The following CPSF2 variants were observed in gnomAD, a reference collection of about 807,000 sequenced individuals.
CPSF2 encodes cleavage and polyadenylation specificity factor subunit 2.
Under a neutral mutation model 84.2 loss-of-function variants are expected in CPSF2, and 51 were observed. The ratio of observed to expected loss-of-function variants is 0.61; its 90% CI spans 0.48 to 0.77. The LOEUF (loss-of-function observed/expected upper bound fraction) is 0.77. Among genes scored for constraint, CPSF2 ranks in the 30% least tolerant of loss-of-function variants. The pLI, the probability that CPSF2 is intolerant of heterozygous loss-of-function variation, is 0.00. For missense variants in CPSF2, 641 were observed against 929.4 expected, an observed-to-expected ratio of 0.69 and a Z score of 4.03; for synonymous variants, 286 against 311.9, an observed-to-expected ratio of 0.92 and a Z score of 0.87.
chr14:92,131,734 G>T (rs1477732010), intron 3 of CPSF2, among the ~76,000 whole-genome samples: 2 of 151,956 alleles, frequency 1.3e-5, no homozygotes, highest in African/African-American at 4.8e-5. Flanking sequence ...AGCTACTTGG[G>T]AGGCTGAGGC....
intron 3 of CPSF2, among the ~76,000 whole-genome samples, chr14:92,131,714 C>T (rs2068933515): frequency 6.6e-6 from 1 of 151,862 alleles, no homozygotes; most frequent in African/African-American, 2.4e-5. Flanking sequence ...TGGTGTGCAC[C>T]TATAATCCCA....
At chr14:92,130,817 G>A in intron 2 of CPSF2, 134 bp from the exon 3 acceptor site, 1 of 539,674 alleles carries the variant, frequency 1.9e-6, no homozygotes, top group Non-Finnish European at 3.1e-6. Flanking sequence ...TGATGGAAAT[G>A]GGCCTTTAAA....
At position 92,138,367 on chromosome 14, in the gene CPSF2, CT is replaced by C; in HGVS notation, c.661+22del. On this transcript the variant is annotated intron_variant, in intron 7 of 15. Coordinates refer to ENST00000298875, the MANE Select transcript of CPSF2 (RefSeq NM_017437.3). The stretch of plus-strand genomic sequence containing the variant: ...TTCTGAGTACGTATTCTTTCACGTC[CT>C]TATTATTATTATTATTTTGTAACTT... 1 of 1,158,776 alleles carries C rather than the reference CT, an allele frequency of 8.6e-7. No individual in the cohort carries two copies. The highest frequency in any genetic ancestry group is 1.6e-5 in the South Asian group (1 of 63,764). 71.8% of individuals were successfully genotyped at this position (1,158,776 alleles called of 1,614,324 possible).
At chr14:92,149,830 TA>T (rs1418109089) in intron 9 of CPSF2, among the ~76,000 whole-genome samples, 1 of 151,704 alleles carries the variant, frequency 6.6e-6, no homozygotes, top group Non-Finnish European at 1.5e-5. Context: ...TGATTTTTTG[TA>T]GTTTTAGTAG....
At position 92,159,140 on chromosome 14, in the gene CPSF2, CAG is replaced by C. The variant is rs745648990; in HGVS notation, c.1983_1984del (p.Glu661AspfsTer10). The C allele has an allele frequency of 1.2e-6, 2 of 1,613,850 alleles. No individual in the cohort carries two copies. The highest frequency in any genetic ancestry group is 1.1e-5 in the South Asian group (1 of 91,080). On this transcript the variant is annotated frameshift_variant, in exon 14 of 16. Coordinates refer to ENST00000298875, the MANE Select transcript of CPSF2 (RefSeq NM_017437.3). LOFTEE classifies it high-confidence loss of function. ...GAACTAAAGGATGATGGAGAAGACT[CAG>C]AGATGCAAGTGGAAGCTCCCTCAGA...
In CPSF2 at chr14:92,161,776, C is replaced by T. The variant is rs771832216; in HGVS notation, c.*32C>T. 11 of 1,240,196 alleles carry T rather than the reference C, an allele frequency of 8.9e-6. No individual in the cohort carries two copies. The highest frequency in any genetic ancestry group is 1.1e-5 in the Non-Finnish European group (10 of 886,980). 76.8% of individuals were successfully genotyped at this position (1,240,196 alleles called of 1,614,324 possible). Reference sequence around the variant, plus strand: ...TGATGTCAAGAAGTATCTGCTTGACCTTTCTAAGAAAAAGGGATTCTTATC... The same window carrying T: ...TGATGTCAAGAAGTATCTGCTTGACTTTTCTAAGAAAAAGGGATTCTTATC... On this transcript the variant is annotated 3_prime_UTR_variant, in exon 16 of 16. Transcript: ENST00000298875.
Position 92,168,072 on chromosome 14 carries a change from C to T in CPSF2, c.*6328C>T, listed in dbSNP as rs1213984608. 6.6e-6 allele frequency: 1 copy of T among 151,618 alleles called. No individual in the cohort carries two copies. The highest frequency in any genetic ancestry group is 1.5e-5 in the Non-Finnish European group (1 of 67,950). The allele number at this position is 151,618 out of a possible 1,614,324, so 9.4% of individuals were successfully genotyped here. A position where few individuals can be genotyped will look rare whatever the true frequency, so the allele number is the denominator to read the frequency against. ...GACCAGCCTGGCCAACATGGTGAAA[C>T]CTCATCTCTACTAAAATTACGAAAA... On this transcript the variant is annotated 3_prime_UTR_variant, in exon 16 of 16. Transcript: ENST00000298875.
chr14:92,128,373 C>T (rs2068869184), intron 2 of CPSF2, among the ~76,000 whole-genome samples: 1 of 152,220 alleles, frequency 6.6e-6, no homozygotes, highest in African/African-American at 2.4e-5. Flanking sequence ...GTCCCAGCTA[C>T]TCAGGTGGCT....
chr14:92,142,894 A>T, intron 8 of CPSF2, 110 bp from the exon 9 acceptor site: 1 of 928,512 alleles, frequency 1.1e-6, no homozygotes, highest in Non-Finnish European at 1.6e-6. Context: ...GTACAAATTT[A>T]AGCAACCAGT....
chr14:92,155,425 C>T, intron 11 of CPSF2, 102 bp downstream of exon 11: 2 of 949,970 alleles, frequency 2.1e-6, no homozygotes, highest in East Asian at 2.6e-5. Context: ...TCTTTCTAGT[C>T]ACATGTATGG....
rs2068776028 is a variant in CPSF2, at chr14:92,122,080, C to T, written c.-142C>T. On this transcript the variant is annotated 5_prime_UTR_variant, in exon 1 of 16. Coordinates refer to ENST00000298875, the MANE Select transcript of CPSF2 (RefSeq NM_017437.3). ...TTTCTACGTCTTGAACCTGGATTCGCCTAGGGGTTGGGAAGGGCTGTGGAC... is the reference window on the plus strand; with the variant it reads ...TTTCTACGTCTTGAACCTGGATTCGTCTAGGGGTTGGGAAGGGCTGTGGAC... 6.1e-6 allele frequency: 3 copies of T among 490,062 alleles called. No individual in the cohort carries two copies. The highest frequency in any genetic ancestry group is 2.1e-5 in the South Asian group (1 of 48,634). 30.4% of individuals were successfully genotyped at this position (490,062 alleles called of 1,614,324 possible).
At chr14:92,128,235 C>G (rs1021096915) in intron 2 of CPSF2, among the ~76,000 whole-genome samples, 14 of 141,498 alleles carry the variant, frequency 9.9e-5, no homozygotes, top group African/African-American at 3.7e-4. Flanking sequence ...AACTCTGTCT[C>G]AAAAAAAAAA....
chr14:92,142,911 A>G, intron 8 of CPSF2, 93 bp from the exon 9 acceptor site: 1 of 1,133,734 alleles, frequency 8.8e-7, no homozygotes. Flanking sequence ...CAGTGGGGGT[A>G]AAAGATAGAA....
intron 3 of CPSF2, among the ~76,000 whole-genome samples, chr14:92,131,382 T>G (rs925113183): frequency 3.3e-5 from 5 of 152,250 alleles, no homozygotes; most frequent in Admixed American, 2.0e-4. Flanking sequence ...TGCATGCTAA[T>G]TTTTGGAAAG....
chr14:92,139,045 A>G (rs1287033521), intron 7 of CPSF2, among the ~76,000 whole-genome samples: 1 of 152,206 alleles, frequency 6.6e-6, no homozygotes, highest in African/African-American at 2.4e-5. Context: ...GTCAGTACAT[A>G]GCTAGCTATC....
intron 2 of CPSF2, among the ~76,000 whole-genome samples, chr14:92,127,729 C>T (rs2068860800): frequency 6.6e-6 from 1 of 152,034 alleles, no homozygotes; most frequent in South Asian, 2.1e-4. Context: ...TCAAGTCTTT[C>T]AGAAGGTGAA....
Position 92,163,665 on chromosome 14 carries a change from G to T in CPSF2, c.*1921G>T, listed in dbSNP as rs1161186885. On this transcript the variant is annotated 3_prime_UTR_variant, in exon 16 of 16. Transcript: ENST00000298875. ...GGGCAGTAATTTAATCATGGTGGTG[G>T]TTACCCTCATGCTGTTCTTGTGATG... is the stretch of plus-strand genomic sequence containing the variant. 1 of 152,568 alleles carries T rather than the reference G, an allele frequency of 6.6e-6. No homozygotes were observed. Among genetic ancestry groups the T allele is most frequent in the African/African-American group, 2.4e-5 (1 of 41,446 alleles). 9.5% of individuals were successfully genotyped at this position (152,568 alleles called of 1,614,324 possible).
rs1223126826 is a variant in CPSF2 at position 92,170,406 on chromosome 14, T to G, written c.*8662T>G. 6.6e-6 allele frequency: 1 copy of G among 152,190 alleles called. No homozygotes were observed. Among genetic ancestry groups the G allele is most frequent in the African/African-American group, 2.4e-5 (1 of 41,448 alleles). The allele number at this position is 152,190 out of a possible 1,614,324, so 9.4% of individuals were successfully genotyped here. ...TACTAAATACTTAAGTGTATACTTT[T>G]TAAAAACAAGGACACTCCTACATAA... On this transcript the variant is annotated 3_prime_UTR_variant, in exon 16 of 16. Transcript: ENST00000298875.
At chr14:92,151,421 A>G (rs1033572762) in intron 9 of CPSF2, among the ~76,000 whole-genome samples, 2 of 149,460 alleles carry the variant, frequency 1.3e-5, no homozygotes, top group Non-Finnish European at 3.0e-5. Flanking sequence ...ACAAAAAACA[A>G]GAGTGTAAGA....
Sources: gnomAD v4.1 joint callset for allele counts (sites outside exome capture counted in the v4.1 genomes callset) on GRCh38, gnomAD v4.1.1 for gene constraint, MANE v1.5 for transcripts, NCBI Gene and HGNC (gene_info 2026-07-23, HGNC 2026-07-21) for gene names.